MGAT4C: variants seen among roughly 807,000 people sequenced by gnomAD.
MGAT4C encodes the protein alpha-1,3-mannosyl-glycoprotein 4-beta-N-acetylglucosaminyltransferase C.
A neutral mutation model predicts 40.1 loss-of-function variants in MGAT4C; 19 were observed. The observed-to-expected ratio is 0.47, with a 90% CI of 0.33 to 0.70. The LOEUF (loss-of-function observed/expected upper bound fraction) is 0.70. Ranked by LOEUF, MGAT4C falls within the 30% of genes least tolerant of loss-of-function variation. MGAT4C has a pLI of 0.02. For missense variants in MGAT4C, 491 were observed against 563.2 expected (o/e 0.87, Z 1.30); for synonymous variants, 181 against 187.1 (o/e 0.97, Z 0.27).
chr12:86,147,415 G>A (rs532009942), intron 1 of MGAT4C, among the ~76,000 whole-genome samples: 22 of 152,136 alleles, frequency 1.4e-4, no homozygotes, highest in Non-Finnish European at 2.8e-4. Flanking sequence ...CTAATTTTTT[G>A]TATTTTTAGT....
At chr12:86,097,574 T>G (rs1246430816) in intron 1 of MGAT4C, among the ~76,000 whole-genome samples, 1 of 151,612 alleles carries the variant, frequency 6.6e-6, no homozygotes, top group Non-Finnish European at 1.5e-5. Context: ...ATACTGGAAA[T>G]TACCATAAGA....
At chr12:86,570,767 C>T (rs1429380877) in intron 2 of MGAT4C, among the ~76,000 whole-genome samples, 5 of 151,942 alleles carry the variant, frequency 3.3e-5, no homozygotes, top group East Asian at 1.9e-4. Context: ...CAATTATAGC[C>T]GTGTCCATCT....
chr12:86,017,679 T>C lies in MGAT4C; in HGVS notation c.-6-28127A>G, dbSNP rs540396358. Among the ~76,000 whole-genome samples the C allele has an allele frequency of 7.9e-5, 12 of 152,248 alleles. No homozygotes were observed. In the South Asian group the frequency reaches 1.2e-3, roughly 16 times the overall value. On this transcript the variant is annotated intron_variant, in intron 2 of 4. Coordinates refer to ENST00000611864, the MANE Select transcript of MGAT4C (RefSeq NM_001351288.2). ...TCTGTCTAATATCAAAATTCAGATA[T>C]GGTGCAAAGTTTGAGAAGCCACGCA...
At chr12:86,347,338 A>AAAAAAC (rs1452811552) in intron 3 of MGAT4C, among the ~76,000 whole-genome samples, 13 of 152,298 alleles carry the variant, frequency 8.5e-5, no homozygotes, top group Non-Finnish European at 1.6e-4. Context: ...ATTAAGTATA[A>AAAAAAC]AAAAACACAT....
intron 1 of MGAT4C, among the ~76,000 whole-genome samples, chr12:86,075,518 C>T (rs1190427310): frequency 6.6e-6 from 1 of 152,186 alleles, no homozygotes; most frequent in Admixed American, 6.5e-5. Context: ...CTTCTCACAG[C>T]TCCACCAGGC....
At chr12:86,488,252 CAAAAAAA>C in intron 2 of MGAT4C, among the ~76,000 whole-genome samples, 1 of 93,990 alleles carries the variant, frequency 1.1e-5, no homozygotes, top group African/African-American at 4.2e-5. Context: ...TTGTTTTCTA[CAAAAAAA>C]AAAAAAAAAT....
At chr12:86,781,156 T>G (rs1951833924) in intron 1 of MGAT4C, among the ~76,000 whole-genome samples, 1 of 152,128 alleles carries the variant, frequency 6.6e-6, no homozygotes, top group East Asian at 1.9e-4. Context: ...ATAATTGATT[T>G]TACACTGGTT....
chr12:86,638,331 G>A (rs1963282399), intron 2 of MGAT4C, among the ~76,000 whole-genome samples: 1 of 151,782 alleles, frequency 6.6e-6, no homozygotes, highest in African/African-American at 2.4e-5. Flanking sequence ...CTGGACAGCT[G>A]ACCACAAAGT....
rs546690412 is a variant in MGAT4C at position 86,209,362 on chromosome 12, T to C, written c.-57+46877A>G. Among the ~76,000 whole-genome samples the C allele has an allele frequency of 2.0e-4, 31 of 152,256 alleles. No individual in the cohort carries two copies. In the South Asian group the frequency reaches 6.4e-3, roughly 32 times the overall value. On this transcript the variant is annotated intron_variant, in intron 1 of 4. Transcript: ENST00000611864. ...ATTCTATTTTTTGAGTTCTCATAAG[T>C]AATACCTTCAAAGCCATAATCTTAT...
intron 1 of MGAT4C, among the ~76,000 whole-genome samples, chr12:86,051,253 A>T (rs184238037): frequency 1.1e-3 from 164 of 152,130 alleles, no homozygotes; most frequent in African/African-American, 3.7e-3. Context: ...CTTACTAGTG[A>T]TGTACCTTTA....
intron 2 of MGAT4C, among the ~76,000 whole-genome samples, chr12:86,469,070 C>T (rs1957722070): frequency 6.6e-6 from 1 of 151,966 alleles, no homozygotes; most frequent in East Asian, 1.9e-4. Flanking sequence ...ATTAATGGGG[C>T]TTGTTCTTTG....
intron 2 of MGAT4C, among the ~76,000 whole-genome samples, chr12:86,603,439 T>C (rs1363942213): frequency 4.2e-5 from 5 of 120,092 alleles, no homozygotes; most frequent in African/African-American, 1.8e-4. Flanking sequence ...ATATATACTA[T>C]ATATAGTCTA....
intron 2 of MGAT4C, among the ~76,000 whole-genome samples, chr12:86,679,619 G>A (rs1055438847): frequency 6.6e-6 from 1 of 152,092 alleles, no homozygotes; most frequent in Non-Finnish European, 1.5e-5. Flanking sequence ...ATTAAGTCAT[G>A]AGCAGAGCCT....
chr12:86,427,481 GAA>G (rs1332057868), intron 3 of MGAT4C, among the ~76,000 whole-genome samples: 4 of 151,780 alleles, frequency 2.6e-5, no homozygotes, highest in African/African-American at 9.7e-5. Context: ...TTAAATTATA[GAA>G]TTATTTCATT....
At chr12:86,095,899 A>C in intron 1 of MGAT4C, among the ~76,000 whole-genome samples, 1 of 151,978 alleles carries the variant, frequency 6.6e-6, no homozygotes, top group Admixed American at 6.6e-5. Context: ...ATACATATTT[A>C]ATTATTATCA....
At chr12:86,060,273 C>T (rs1189721198) in intron 1 of MGAT4C, among the ~76,000 whole-genome samples, 1 of 152,030 alleles carries the variant, frequency 6.6e-6, no homozygotes, top group East Asian at 1.9e-4. Flanking sequence ...TTTTCTGAGG[C>T]CTCCAAGTAT....
intron 4 of MGAT4C, among the ~76,000 whole-genome samples, chr12:86,307,244 TGA>T (rs1333706807): frequency 6.6e-6 from 1 of 150,654 alleles, no homozygotes; most frequent in African/African-American, 2.5e-5. Flanking sequence ...ATAATAATTA[TGA>T]GAAATTATCT....
At chr12:86,273,364 A>G (rs1279931232) in intron 4 of MGAT4C, among the ~76,000 whole-genome samples, 1 of 152,174 alleles carries the variant, frequency 6.6e-6, no homozygotes, top group Non-Finnish European at 1.5e-5. Flanking sequence ...CTCTTAGACT[A>G]ATGGAACATA....
chr12:86,089,712 T>C (rs1026464245), intron 1 of MGAT4C, among the ~76,000 whole-genome samples: 1 of 151,290 alleles, frequency 6.6e-6, no homozygotes, highest in Non-Finnish European at 1.5e-5. Context: ...TTAATAACCA[T>C]TTTTTTTGCC....
Sources: gnomAD v4.1 joint callset for allele counts (sites outside exome capture counted in the v4.1 genomes callset) on GRCh38, gnomAD v4.1.1 for gene constraint, MANE v1.5 for transcripts, NCBI Gene and HGNC (gene_info 2026-07-23, HGNC 2026-07-21) for gene names.